ATXN7L1: variants seen among roughly 807,000 people sequenced by gnomAD.
ATXN7L1 encodes the protein ataxin-7-like protein 1.
ATXN7L1 carries 15 observed loss-of-function variants against 70.8 expected under a neutral mutation model. The observed-to-expected ratio is 0.21, with a 90% confidence interval of 0.14 to 0.33. The LOEUF is 0.33. Among genes scored for constraint, ATXN7L1 ranks in the 10% least tolerant of loss-of-function variants. The pLI, the probability that ATXN7L1 is intolerant of heterozygous loss-of-function variation, is 1.00. For missense variants in ATXN7L1, 975 were observed against 1,097.1 expected (o/e 0.89, Z 1.57); for synonymous variants, 440 against 445.1 (o/e 0.99, Z 0.14).
At chr7:105,717,670 G>A (rs1794731214) in intron 3 of ATXN7L1, among the ~76,000 whole-genome samples, 1 of 152,130 alleles carries the variant, frequency 6.6e-6, no homozygotes, top group South Asian at 2.1e-4. Context: ...TACATAACCA[G>A]CAGCTTGACG....
Position 105,786,198 on chromosome 7 carries a change from G to A in ATXN7L1, c.355+2406C>T, listed in dbSNP as rs112493957. On this transcript the variant is annotated intron_variant, in intron 3 of 11. Coordinates refer to ENST00000419735, the MANE Select transcript of ATXN7L1 (RefSeq NM_020725.2). ...CAGCTTGTTCAGCAAGAAGCTTAAC[G>A]GAGACTGGGCTTTGAGGGACGAGAT... Among the ~76,000 whole-genome samples, 6 of 152,182 alleles carry A rather than the reference G, an allele frequency of 3.9e-5. No homozygotes were observed. In the South Asian group the frequency reaches 6.2e-4, roughly 16 times the overall value.
intron 3 of ATXN7L1, among the ~76,000 whole-genome samples, chr7:105,737,422 A>T (rs1797504886): frequency 6.6e-6 from 1 of 152,154 alleles, no homozygotes; most frequent in African/African-American, 2.4e-5. Flanking sequence ...CGAAGTAGAT[A>T]CTCTTATAAT....
chr7:105,750,328 G>C (rs985333837), intron 3 of ATXN7L1, among the ~76,000 whole-genome samples: 2 of 151,114 alleles, frequency 1.3e-5, no homozygotes, highest in African/African-American at 2.4e-5. Flanking sequence ...CCCGGGCTGA[G>C]TGCAGTGATG....
chr7:105,748,869 C>T (rs892377844), intron 3 of ATXN7L1, among the ~76,000 whole-genome samples: 2 of 152,152 alleles, frequency 1.3e-5, no homozygotes, highest in East Asian at 3.9e-4. Flanking sequence ...AGTAAACTTT[C>T]CTTTCCTGAA....
At chr7:105,865,640 A>G (rs1285205014) in intron 2 of ATXN7L1, among the ~76,000 whole-genome samples, 1 of 152,116 alleles carries the variant, frequency 6.6e-6, no homozygotes, top group African/African-American at 2.4e-5. Context: ...TGACCTCGTG[A>G]TCTGCCCACC....
intron 3 of ATXN7L1, among the ~76,000 whole-genome samples, chr7:105,725,173 A>T (rs1178661377): frequency 6.6e-6 from 1 of 152,202 alleles, no homozygotes; most frequent in African/African-American, 2.4e-5. Flanking sequence ...TGACCTTGTT[A>T]ACAGGGCAAA....
chr7:105,794,330 C>G (rs749522296), intron 2 of ATXN7L1, among the ~76,000 whole-genome samples: 6 of 152,164 alleles, frequency 3.9e-5, no homozygotes, highest in Non-Finnish European at 7.3e-5. Flanking sequence ...CAGCTAGTAC[C>G]AGCTCACAAG....
At chr7:105,707,491 T>A (rs978981880) in intron 3 of ATXN7L1, among the ~76,000 whole-genome samples, 2 of 152,180 alleles carry the variant, frequency 1.3e-5, no homozygotes, top group African/African-American at 4.8e-5. Flanking sequence ...GAACCCTGGC[T>A]GCAGTCTGAG....
intron 3 of ATXN7L1, among the ~76,000 whole-genome samples, chr7:105,735,438 C>T (rs1428494646): frequency 6.6e-6 from 1 of 152,142 alleles, no homozygotes; most frequent in Non-Finnish European, 1.5e-5. Flanking sequence ...GTAAGGCACA[C>T]TTTATTCAAG....
intron 3 of ATXN7L1, among the ~76,000 whole-genome samples, chr7:105,782,344 A>G (rs760097161): frequency 4.6e-5 from 7 of 152,172 alleles, no homozygotes; most frequent in Non-Finnish European, 1.0e-4. Flanking sequence ...CCATTCACCT[A>G]AGGGACTTTA....
intron 7 of ATXN7L1, among the ~76,000 whole-genome samples, chr7:105,628,430 A>G (rs1400935847): frequency 1.3e-5 from 2 of 152,112 alleles, no homozygotes; most frequent in Admixed American, 6.6e-5. Flanking sequence ...AGAACTTCCT[A>G]TTTTTTGGTA....
At chr7:105,736,916 T>G (rs1475970387) in intron 3 of ATXN7L1, among the ~76,000 whole-genome samples, 1 of 152,256 alleles carries the variant, frequency 6.6e-6, no homozygotes, top group African/African-American at 2.4e-5. Flanking sequence ...TGTGTTCTTT[T>G]TAGGTTTGGG....
At chr7:105,803,830 C>T (rs1282987708) in intron 2 of ATXN7L1, among the ~76,000 whole-genome samples, 2 of 152,202 alleles carry the variant, frequency 1.3e-5, no homozygotes, top group Non-Finnish European at 2.9e-5. Context: ...CAGTTATGAA[C>T]TGGAACAGGG....
At chr7:105,636,447 G>GC (rs11433155) in intron 7 of ATXN7L1, among the ~76,000 whole-genome samples, 53,875 of 139,044 alleles carry the variant, frequency 0.39, 10,837 homozygotes, top group South Asian at 0.48. Context: ...GTGTTCCTCT[G>GC]CCCCCCCCAC....
intron 7 of ATXN7L1, among the ~76,000 whole-genome samples, chr7:105,627,487 C>T (rs974844302): frequency 2.3e-4 from 34 of 150,304 alleles, no homozygotes; most frequent in Admixed American, 1.5e-3. Flanking sequence ...GCTACTTGCT[C>T]GGCCTCCCAA....
intron 3 of ATXN7L1, among the ~76,000 whole-genome samples, chr7:105,746,808 C>T (rs1043797089): frequency 6.6e-6 from 1 of 152,254 alleles, no homozygotes; most frequent in Non-Finnish European, 1.5e-5. Context: ...AAAATGCACA[C>T]TCATTTATTT....
At chr7:105,840,802 C>T (rs1267601417) in intron 2 of ATXN7L1, among the ~76,000 whole-genome samples, 1 of 152,226 alleles carries the variant, frequency 6.6e-6, no homozygotes, top group African/African-American at 2.4e-5. Context: ...GCACACTCTT[C>T]CAGGTTTACC....
chr7:105,822,518 CAG>C (rs1417545883), intron 2 of ATXN7L1, among the ~76,000 whole-genome samples: 1 of 152,110 alleles, frequency 6.6e-6, no homozygotes, highest in Non-Finnish European at 1.5e-5. Flanking sequence ...GGAATAAACT[CAG>C]GGAGAAGTTA....
At chr7:105,825,091 A>G (rs1810688413) in intron 2 of ATXN7L1, among the ~76,000 whole-genome samples, 1 of 152,250 alleles carries the variant, frequency 6.6e-6, no homozygotes, top group South Asian at 2.1e-4. Flanking sequence ...GAGCCAGAGG[A>G]CAATACGAAA....
Sources: gnomAD v4.1 joint callset for allele counts (sites outside exome capture counted in the v4.1 genomes callset) on GRCh38, gnomAD v4.1.1 for gene constraint, MANE v1.5 for transcripts, NCBI Gene and HGNC (gene_info 2026-07-23, HGNC 2026-07-21) for gene names.